DYRK1B: variants seen among roughly 807,000 people sequenced by gnomAD.
DYRK1B encodes dual specificity tyrosine phosphorylation regulated kinase 1B.
In DYRK1B, 20 loss-of-function variants were observed where a neutral mutation model predicts 57.1. The ratio of observed to expected loss-of-function variants is 0.35; its 90% confidence interval spans 0.25 to 0.51. The LOEUF (loss-of-function observed/expected upper bound fraction) is 0.51. Among genes scored for constraint, DYRK1B ranks in the 20% least tolerant of loss-of-function variants. The pLI, the probability that DYRK1B is intolerant of heterozygous loss-of-function variation, is 0.96. For missense variants in DYRK1B, 732 were observed against 886.3 expected, an observed-to-expected ratio of 0.83 and a Z score of 2.21; for synonymous variants, 409 against 384.7, an observed-to-expected ratio of 1.06 and a Z score of -0.74.
chr19:39,828,588 G>T lies in DYRK1B; in HGVS notation c.521-5C>A. 1 of 1,601,930 alleles carries T rather than the reference G, an allele frequency of 6.2e-7. No homozygotes were observed. Among genetic ancestry groups the T allele is most frequent in the South Asian group, 1.1e-5 (1 of 90,376 alleles). Reference sequence around the variant, plus strand: ...TGAAGTGCCGCTTCAGGTGTACTGCGGGGGAGGGGAGGAAATGGGCCAGAG... The same window carrying T: ...TGAAGTGCCGCTTCAGGTGTACTGCTGGGGAGGGGAGGAAATGGGCCAGAG... On this transcript the variant is annotated splice_region_variant and splice_polypyrimidine_tract_variant and intron_variant, in intron 5 of 10. Coordinates refer to ENST00000323039, the MANE Select transcript of DYRK1B (RefSeq NM_004714.3). The surrounding 1 kb of genome is among the most constrained non-coding windows in gnomAD (Gnocchi z 4.3).
At chr19:39,833,825 C>A (rs1968948787) in intron 1 of DYRK1B, among the ~76,000 whole-genome samples, 198 bp downstream of exon 1, 1 of 152,190 alleles carries the variant, frequency 6.6e-6, no homozygotes, top group Admixed American at 6.5e-5. Context: ...AGCCTCCCTC[C>A]TGCAACTGCT....
At position 39,828,816 on chromosome 19, in the gene DYRK1B, A is replaced by G. The variant is rs1173176954; in HGVS notation, c.521-233T>C. ...AACCAAAGAGAAAGTTTCATTAGTT[A>G]CTACTAGCTCTAACACATTCTACAC... is the stretch of plus-strand genomic sequence containing the variant. On this transcript the variant is annotated intron_variant, in intron 5 of 10. Coordinates refer to ENST00000323039, the MANE Select transcript of DYRK1B (RefSeq NM_004714.3). This position sits in a 1 kb window ranked among gnomAD's most constrained non-coding sequence, Gnocchi z 4.3. Among the ~76,000 whole-genome samples the G allele has an allele frequency of 3.9e-5, 6 of 152,218 alleles. No individual in the cohort carries two copies. Among genetic ancestry groups the G allele is most frequent in the Admixed American group, 2.0e-4 (3 of 15,286 alleles).
At position 39,831,958 on chromosome 19, in the gene DYRK1B, G is replaced by A. The variant is rs530051714; in HGVS notation, c.-91C>T. ...TGCATCCTGCACCTCGGCTGCCACC[G>A]CCGCTGAGACCTGAGAGCAGACAGG... On this transcript the variant is annotated 5_prime_UTR_variant, in exon 2 of 11. Transcript: ENST00000323039. 7.6e-5 allele frequency: 108 copies of A among 1,427,968 alleles called. No individual in the cohort carries two copies. The highest frequency in any genetic ancestry group is 8.2e-5 in the Non-Finnish European group (90 of 1,091,800). 88.5% of individuals were successfully genotyped at this position (1,427,968 alleles called of 1,614,324 possible).
At chr19:39,832,138 T>TG (rs58029676) in intron 1 of DYRK1B, among the ~76,000 whole-genome samples, 170 bp from the exon 2 acceptor site, 71,707 of 149,200 alleles carry the variant, frequency 0.48, 18,181 homozygotes, top group African/African-American at 0.65. Context: ...GGTAGCCAGG[T>TG]GGGGGGGGAT....
chr19:39,829,258 C>T (rs1968692386), intron 5 of DYRK1B, among the ~76,000 whole-genome samples: 1 of 147,476 alleles, frequency 6.8e-6, no homozygotes, highest in Admixed American at 6.8e-5. Flanking sequence ...GATGGAGTCT[C>T]GCTCTGTCAT....
intron 1 of DYRK1B, 39 bp from the exon 2 acceptor site, chr19:39,832,007 A>G: frequency 7.1e-7 from 1 of 1,408,070 alleles, no homozygotes; most frequent in Non-Finnish European, 9.2e-7. Flanking sequence ...ACATGGAACA[A>G]GGGGATATGT....
At position 39,830,087 on chromosome 19, in the gene DYRK1B, T is replaced by C. The variant is rs942684199; in HGVS notation, c.373-60A>G. ...GGGAGCAGGGCAGAGCCAGGCACCA[T>C]TCTTCTCCCTCCAGGCAAGGAGACC... On this transcript the variant is annotated intron_variant, in intron 4 of 10. Coordinates refer to ENST00000323039, the MANE Select transcript of DYRK1B (RefSeq NM_004714.3). The C allele has an allele frequency of 8.8e-6, 14 of 1,584,272 alleles. No homozygotes were observed. In the South Asian group the frequency reaches 1.5e-4, roughly 17 times the overall value.
Position 39,826,980 on chromosome 19 carries a change from T to TG in DYRK1B, c.1102dup (p.Gln368ProfsTer48). 8.7e-7 allele frequency: 1 copy of TG among 1,153,110 alleles called. No individual in the cohort carries two copies. Among genetic ancestry groups the TG allele is most frequent in the Non-Finnish European group, 1.1e-6 (1 of 928,538 alleles). The allele number at this position is 1,153,110 out of a possible 1,614,324, so 71.4% of individuals were successfully genotyped here. A position where few individuals can be genotyped will look rare whatever the true frequency, so the allele number is the denominator to read the frequency against. Reference sequence around the variant, plus strand: ...CTGCAGCCGCCGTGTCCCGGGGCCCTGGTAATCCTGGCAGGGAGGGGGTGG... The same window carrying TG: ...CTGCAGCCGCCGTGTCCCGGGGCCCTGGGTAATCCTGGCAGGGAGGGGGTGG... On this transcript the variant is annotated frameshift_variant, in exon 9 of 11. Transcript: ENST00000323039. LOFTEE classifies it high-confidence loss of function. This position sits in a 1 kb window ranked among gnomAD's most constrained non-coding sequence, Gnocchi z 6.3.
rs765004747 is a variant in DYRK1B at position 39,825,904 on chromosome 19, G to A, written c.1701C>T (p.Ser567=). Reference sequence around the variant, plus strand: ...AGCAGTCAGCAGGGCCGCCCACCAGGCTCACATCCATCAGCTCCGGGGGTG... The same window carrying A: ...AGCAGTCAGCAGGGCCGCCCACCAGACTCACATCCATCAGCTCCGGGGGTG... ...SPPPPELMDV[S]LVGGPADCSP... The change falls in exon 11 of 11, where the codon AGC becomes AGT. Residue 567 remains serine (S), a synonymous_variant. Transcript: ENST00000323039. 2.5e-6 allele frequency: 4 copies of A among 1,570,272 alleles called. No homozygotes were observed. Among genetic ancestry groups the A allele is most frequent in the East Asian group, 2.2e-5 (1 of 44,642 alleles).
chr19:39,825,564 C>A lies in DYRK1B; in HGVS notation c.*151G>T. 1 of 775,386 alleles carries A rather than the reference C, an allele frequency of 1.3e-6. No homozygotes were observed. The highest frequency in any genetic ancestry group is 2.0e-6 in the Non-Finnish European group (1 of 496,266). 48.0% of individuals were successfully genotyped at this position (775,386 alleles called of 1,614,324 possible). On this transcript the variant is annotated 3_prime_UTR_variant, in exon 11 of 11. Coordinates refer to ENST00000323039, the MANE Select transcript of DYRK1B (RefSeq NM_004714.3). ...GAGCGGCCAAAACCCTCTCCTTGAC[C>A]CCCCTGCCCCAGGCCCCAATCAGTG...
In DYRK1B at chr19:39,831,986, GT is replaced by G. The variant is rs1968839823; in HGVS notation, c.-101-19del. 7.0e-7 allele frequency: 1 copy of G among 1,419,176 alleles called. No homozygotes were observed. 87.9% of individuals were successfully genotyped at this position (1,419,176 alleles called of 1,614,324 possible). A position where few individuals can be genotyped will look rare whatever the true frequency, so the allele number is the denominator to read the frequency against. ...GCTGAGACCTGAGAGCAGACAGGAA[GT>G]GGGAAAACAACATGGAACAAGGGGA... On this transcript the variant is annotated intron_variant, in intron 1 of 10. Coordinates refer to ENST00000323039, the MANE Select transcript of DYRK1B (RefSeq NM_004714.3).
intron 1 of DYRK1B, chr19:39,832,934 T>TACAC (rs368444011): frequency 4.0e-5 from 38 of 959,076 alleles, no homozygotes; most frequent in Middle Eastern, 5.3e-4. Context: ...CTTGCCCCCC[T>TACAC]ACACACACAC....
intron 2 of DYRK1B, among the ~76,000 whole-genome samples, chr19:39,831,086 G>A (rs1968789773): frequency 6.6e-6 from 1 of 152,128 alleles, no homozygotes; most frequent in Non-Finnish European, 1.5e-5. Flanking sequence ...GAGATCATAT[G>A]GAAAACCTGG....
chr19:39,826,934 C>T lies in DYRK1B; in HGVS notation c.1149G>A (p.Thr383=), dbSNP rs967541862. ...CCGCCCGCCGGCCCCCGGGCCCGCC[C>T]GTCTGCACGCCCAGCACCTCCTGCA... The part of the protein sequence containing the change: ...RRLQEVLGVQ[T]GGPGGRRAGE... Residue 383 remains threonine (T), a synonymous_variant, in exon 9 of 11, where the codon ACG becomes ACA. Coordinates refer to ENST00000323039, the MANE Select transcript of DYRK1B (RefSeq NM_004714.3). The surrounding 1 kb of genome is among the most constrained non-coding windows in gnomAD (Gnocchi z 6.3). The T allele has an allele frequency of 5.9e-6, 8 of 1,352,406 alleles. No individual in the cohort carries two copies. The highest frequency in any genetic ancestry group is 6.7e-6 in the Non-Finnish European group (7 of 1,051,938). The allele number at this position is 1,352,406 out of a possible 1,614,324, so 83.8% of individuals were successfully genotyped here. A position where few individuals can be genotyped will look rare whatever the true frequency, so the allele number is the denominator to read the frequency against.
intron 1 of DYRK1B, chr19:39,833,483 G>C: frequency 2.7e-6 from 1 of 369,122 alleles, no homozygotes; most frequent in Non-Finnish European, 3.8e-6. Context: ...GGAGAGGAGG[G>C]GACAAGGGTC....
At position 39,833,446 on chromosome 19, in the gene DYRK1B, A is replaced by T. The variant is rs1428754407; in HGVS notation, c.-102+577T>A. 5 of 691,320 alleles carry T rather than the reference A, an allele frequency of 7.2e-6. No homozygotes were observed. The East Asian group carries it at 6.7e-4, about 92-fold the overall frequency. 42.8% of individuals were successfully genotyped at this position (691,320 alleles called of 1,614,324 possible). ...GACAGGAGGCCCGGTGGGTGACAAC[A>T]GCAGCCGCCACTGCCACCGGGGGCG... On this transcript the variant is annotated intron_variant, in intron 1 of 10. Coordinates refer to ENST00000323039, the MANE Select transcript of DYRK1B (RefSeq NM_004714.3).
chr19:39,833,498 C>G, intron 1 of DYRK1B: 1 of 265,754 alleles, frequency 3.8e-6, no homozygotes, highest in Non-Finnish European at 5.8e-6. Flanking sequence ...AGGGTCAGCC[C>G]AGGGCACGCG....
chr19:39,830,423 C>T lies in DYRK1B; in HGVS notation c.324G>A (p.Leu108=). 1 of 1,614,178 alleles carries T rather than the reference C, an allele frequency of 6.2e-7. No individual in the cohort carries two copies. Among genetic ancestry groups the T allele is most frequent in the Non-Finnish European group, 8.5e-7 (1 of 1,180,042 alleles). ...DYIVRSGERW[L]ERYEIDSLIG... is the part of the protein sequence containing the mutation. ...TGAGCGAGTCAATTTCGTAGCGCTC[C>T]AGCCAGCGCTCGCCACTGCGCACGA... Residue 108 remains leucine (L), a synonymous_variant, in exon 4 of 11, where the codon CTG becomes CTA. Coordinates refer to ENST00000323039, the MANE Select transcript of DYRK1B (RefSeq NM_004714.3).
intron 4 of DYRK1B, 121 bp from the exon 5 acceptor site, chr19:39,830,148 C>A (rs896297521): frequency 6.1e-6 from 8 of 1,316,624 alleles, no homozygotes; most frequent in Non-Finnish European, 7.4e-6. Flanking sequence ...CAGCTGAGTG[C>A]GCACCATTAG....
Sources: allele counts gnomAD v4.1 joint callset (sites outside exome capture counted in the v4.1 genomes callset), GRCh38; gene constraint gnomAD v4.1.1; non-coding constraint Gnocchi (gnomAD v3.1); transcripts MANE v1.5; gene names NCBI Gene and HGNC (gene_info 2026-07-23, HGNC 2026-07-21).